MRPL37: variants seen among roughly 807,000 people sequenced by gnomAD.
The protein encoded by MRPL37 is large ribosomal subunit protein mL37.
In MRPL37, 34 loss-of-function variants were observed where a neutral mutation model predicts 44.1. That is an observed-to-expected ratio of 0.77 (90% CI 0.59 to 1.03). MRPL37 has a LOEUF of 1.03. MRPL37 is among the 50% of genes least tolerant of loss of function. The pLI is 0.00. For missense variants in MRPL37, 532 were observed against 543.7 expected (o/e 0.98, Z 0.21); for synonymous variants, 212 against 219.5 (o/e 0.97, Z 0.30).
chr1:54,212,490 G>T lies in MRPL37; in HGVS notation c.833-11G>T, dbSNP rs979280589. The T allele has an allele frequency of 8.7e-6, 14 of 1,613,338 alleles. No individual in the cohort carries two copies. The highest frequency in any genetic ancestry group is 3.3e-4 in the Middle Eastern group (2 of 6,060). On this transcript the variant is annotated splice_polypyrimidine_tract_variant and intron_variant, in intron 4 of 6. Coordinates refer to ENST00000360840, the MANE Select transcript of MRPL37 (RefSeq NM_016491.4). ...CCTTTCCACCCCTCCACATAATTGT[G>T]TCTCTTGCAGGATTCCAGGAAGGCT...
chr1:54,207,488 G>A (rs1330748748), intron 3 of MRPL37: 2 of 152,230 alleles, frequency 1.3e-5, no homozygotes, highest in Admixed American at 1.3e-4. Context: ...TCCTGGCAAT[G>A]AGTCAGCTTT....
At chr1:54,204,288 A>G (rs962522354) in intron 1 of MRPL37, among the ~76,000 whole-genome samples, 1 of 152,214 alleles carries the variant, frequency 6.6e-6, no homozygotes, top group South Asian at 2.1e-4. Context: ...AAGCTGAGGC[A>G]GGAGAATCGC....
At position 54,205,194 on chromosome 1, in the gene MRPL37, A is replaced by T. The variant is rs1386813968; in HGVS notation, c.523A>T (p.Thr175Ser). The T allele has an allele frequency of 2.5e-6, 4 of 1,611,444 alleles. No homozygotes were observed. Among genetic ancestry groups the T allele is most frequent in the South Asian group, 2.2e-5 (2 of 90,988 alleles). Residue 175 changes from threonine to serine, a missense_variant, in exon 2 of 7, where the codon ACC becomes TCC. Physicochemically the swap from Thr to Ser is moderately conservative, Grantham distance 58. Transcript: ENST00000360840. ...QTTEEIPKRETYCPVIVDNLI... is the reference protein window; with the variant it reads ...QTTEEIPKRESYCPVIVDNLI... Reference sequence around the variant, plus strand: ...CACTGAGGAAATCCCCAAGAGAGAGACCTACTGGTAAGTTCCCCCAAGTAA... The same window carrying T: ...CACTGAGGAAATCCCCAAGAGAGAGTCCTACTGGTAAGTTCCCCCAAGTAA...
At chr1:54,217,763 G>A (rs570862660) in intron 6 of MRPL37, among the ~76,000 whole-genome samples, 1 of 152,266 alleles carries the variant, frequency 6.6e-6, no homozygotes, top group Admixed American at 6.5e-5. Flanking sequence ...AGCTCCTTGA[G>A]GACAGGAACC....
chr1:54,200,716 CG>C (rs1332919821), intron 1 of MRPL37, 127 bp downstream of exon 1: 16 of 1,040,306 alleles, frequency 1.5e-5, no homozygotes, highest in Admixed American at 2.9e-5. Flanking sequence ...GAAATGGGGC[CG>C]TAGTGATTCC....
At position 54,209,663 on chromosome 1, in the gene MRPL37, G is replaced by C. The variant is rs192201497; in HGVS notation, c.647-283G>C. The stretch of plus-strand genomic sequence containing the variant: ...TTTAGTAGAGACTGGGTTTCACCGC[G>C]TTAGCCAGGATGGTCTTGATATCCT... On this transcript the variant is annotated intron_variant, in intron 3 of 6. Coordinates refer to ENST00000360840, the MANE Select transcript of MRPL37 (RefSeq NM_016491.4). 5.9e-4 allele frequency among the ~76,000 whole-genome samples: 90 copies of C among 152,002 alleles called. No individual in the cohort carries two copies. In the East Asian group the frequency reaches 0.016, roughly 27 times the overall value.
At chr1:54,218,476 C>A, downstream of MRPL37, 2 of 1,078,714 alleles carry the variant, frequency 1.9e-6, no homozygotes, top group Non-Finnish European at 1.3e-6. Context: ...CCCAGCTCTG[C>A]CCTTGACCCA....
intron 6 of MRPL37, among the ~76,000 whole-genome samples, chr1:54,217,608 TTTC>T (rs1429714140): frequency 3.3e-5 from 5 of 152,226 alleles, no homozygotes; most frequent in African/African-American, 1.2e-4. Flanking sequence ...TCTCCTTCCT[TTTC>T]TTTTTCTTTC....
chr1:54,212,437 C>A, intron 4 of MRPL37, 64 bp from the exon 5 acceptor site: 1 of 1,582,102 alleles, frequency 6.3e-7, no homozygotes, highest in Non-Finnish European at 8.6e-7. Context: ...AGGTGACTTT[C>A]CTGAGGCTTT....
Position 54,210,101 on chromosome 1 carries a change from T to C in MRPL37, c.802T>C (p.Cys268Arg). Residue 268 changes from cysteine to arginine, a missense_variant, in exon 4 of 7, where the codon TGC becomes CGC. Transcript: ENST00000360840. ...ATCACCCATCATCGATCTTCATGAA[T>C]GCAATATTTATGATGTGAAAAATGA... The part of the protein sequence containing the change: ...PISPIIDLHE[C>R]NIYDVKNDTG... The C allele has an allele frequency of 6.2e-7, 1 of 1,614,174 alleles. No individual in the cohort carries two copies. Among genetic ancestry groups the C allele is most frequent in the Non-Finnish European group, 8.5e-7 (1 of 1,180,016 alleles).
downstream of MRPL37, among the ~76,000 whole-genome samples, chr1:54,223,694 C>A (rs566578434): frequency 3.9e-5 from 6 of 152,292 alleles, no homozygotes; most frequent in African/African-American, 1.4e-4. Context: ...CTGTGGACAG[C>A]GATGACTCCA....
At chr1:54,220,978 T>A, downstream of MRPL37, 1 of 374,464 alleles carries the variant, frequency 2.7e-6, no homozygotes, top group East Asian at 7.5e-5. Flanking sequence ...GGAATTCTAA[T>A]TTGGCCTGGG....
chr1:54,204,936 A>G, intron 1 of MRPL37, 82 bp from the exon 2 acceptor site: 5 of 1,478,692 alleles, frequency 3.4e-6, no homozygotes, highest in Non-Finnish European at 4.5e-6. Flanking sequence ...CCTTTTTACT[A>G]AGATGCTACC....
chr1:54,202,647 C>T (rs1411466183), intron 1 of MRPL37, among the ~76,000 whole-genome samples: 2 of 152,146 alleles, frequency 1.3e-5, no homozygotes, highest in East Asian at 1.9e-4. Context: ...ATTACAGGCA[C>T]ATGCTGTCAT....
chr1:54,207,159 A>T (rs1329950189), intron 3 of MRPL37, among the ~76,000 whole-genome samples: 1 of 152,068 alleles, frequency 6.6e-6, no homozygotes, highest in Non-Finnish European at 1.5e-5. Context: ...TGTGTTCTTT[A>T]TGCCCATTCT....
At chr1:54,220,674 G>A (rs542406835), downstream of MRPL37, 492 of 471,736 alleles carry the variant, frequency 1.0e-3, 1 homozygote, top group African/African-American at 7.6e-3. Flanking sequence ...CTCATTCAAC[G>A]CAGGAGAGGA....
At chr1:54,210,224 C>G (rs1269264812) in intron 4 of MRPL37, 93 bp downstream of exon 4, 2 of 1,271,432 alleles carry the variant, frequency 1.6e-6, no homozygotes, top group African/African-American at 3.0e-5. Context: ...TTGCTAGGTG[C>G]TAGGCACCTC....
chr1:54,209,807 G>T, intron 3 of MRPL37, 139 bp from the exon 4 acceptor site: 1 of 840,178 alleles, frequency 1.2e-6, no homozygotes. Flanking sequence ...ATGTTGCCCA[G>T]GCTGACCTAG....
At chr1:54,204,388 T>A in intron 1 of MRPL37, among the ~76,000 whole-genome samples, 1 of 151,278 alleles carries the variant, frequency 6.6e-6, no homozygotes. Flanking sequence ...AGAGCGAGAC[T>A]TTGTCTCAAA....
Sources: allele counts gnomAD v4.1 joint callset (sites outside exome capture counted in the v4.1 genomes callset), GRCh38; gene constraint gnomAD v4.1.1; transcripts MANE v1.5; gene names NCBI Gene and HGNC (gene_info 2026-07-23, HGNC 2026-07-21).